MIB1: variants seen among roughly 807,000 people sequenced by gnomAD.
MIB1 encodes the protein E3 ubiquitin-protein ligase MIB1.
In MIB1, 278 loss-of-function variants were observed where a neutral mutation model predicts 124.5. The observed-to-expected ratio is 2.23, with a 90% CI of 2.02 to 2.47. The LOEUF (loss-of-function observed/expected upper bound fraction) is 2.47. Ranked by LOEUF, MIB1 falls within the 30% of genes most tolerant of loss-of-function variation. The pLI, the probability that MIB1 is intolerant of heterozygous loss-of-function variation, is 0.00. For missense variants in MIB1, 957 were observed against 1,254.4 expected (o/e 0.76, Z 3.58); for synonymous variants, 446 against 429.4 (o/e 1.04, Z -0.48).
At chr18:21,726,259 T>C (rs945372735) in intron 1 of MIB1, among the ~76,000 whole-genome samples, 5 of 151,680 alleles carry the variant, frequency 3.3e-5, no homozygotes, top group Non-Finnish European at 4.4e-5. Context: ...AAAATAAAAA[T>C]TAAAAAAGAT....
chr18:21,771,405 T>G (rs1309020578), intron 3 of MIB1, among the ~76,000 whole-genome samples: 2 of 152,372 alleles, frequency 1.3e-5, no homozygotes, highest in Non-Finnish European at 2.9e-5. Context: ...AAATACAGAC[T>G]TAATATAGCA....
In MIB1 at chr18:21,863,090, G is replaced by T. The variant is rs147847666; in HGVS notation, c.2881-1436G>T. 7.2e-5 allele frequency among the ~76,000 whole-genome samples: 11 copies of T among 152,324 alleles called. No homozygotes were observed. The East Asian group carries it at 1.7e-3, about 24-fold the overall frequency. ...GTCATACTTGCGACAGAGGTGCGCTGCTTACTTGGCCACTGTGCTCAACTG... is the reference window on the plus strand; with the variant it reads ...GTCATACTTGCGACAGAGGTGCGCTTCTTACTTGGCCACTGTGCTCAACTG... On this transcript the variant is annotated intron_variant, in intron 20 of 20. Transcript: ENST00000261537.
At chr18:21,762,053 A>T (rs868806835) in intron 1 of MIB1, among the ~76,000 whole-genome samples, 2 of 152,304 alleles carry the variant, frequency 1.3e-5, no homozygotes, top group Middle Eastern at 3.4e-3. Flanking sequence ...GTGTGTTATT[A>T]ATTTTATAAT....
intron 20 of MIB1, among the ~76,000 whole-genome samples, chr18:21,859,780 T>G (rs1486106623): frequency 1.3e-5 from 2 of 149,818 alleles, no homozygotes; most frequent in Non-Finnish European, 3.0e-5. Context: ...TCGCAGCTAC[T>G]CTGGTGGCTG....
intron 6 of MIB1, among the ~76,000 whole-genome samples, chr18:21,787,004 G>T (rs1241464918): frequency 6.7e-6 from 1 of 150,122 alleles, no homozygotes; most frequent in African/African-American, 2.4e-5. Context: ...ATATGGCTTC[G>T]TATTGAAAGA....
intron 1 of MIB1, among the ~76,000 whole-genome samples, chr18:21,705,328 A>G (rs866043987): frequency 4.9e-4 from 74 of 152,254 alleles, no homozygotes; most frequent in African/African-American, 1.7e-3. Context: ...TGTCACTTAA[A>G]TGAGAAGTGG....
intron 20 of MIB1, among the ~76,000 whole-genome samples, chr18:21,863,705 A>G (rs1200234827): frequency 6.6e-6 from 1 of 152,008 alleles, no homozygotes; most frequent in Non-Finnish European, 1.5e-5. Flanking sequence ...AAAAGACATT[A>G]TTTAGAAAGA....
intron 1 of MIB1, among the ~76,000 whole-genome samples, chr18:21,760,602 A>AT (rs1183965454): frequency 2.0e-5 from 3 of 152,090 alleles, no homozygotes; most frequent in East Asian, 1.9e-4. Flanking sequence ...GAATTATAGA[A>AT]TTTTTTTAAC....
chr18:21,751,026 A>C (rs1033138880), intron 1 of MIB1, among the ~76,000 whole-genome samples: 15 of 151,880 alleles, frequency 9.9e-5, no homozygotes, highest in Middle Eastern at 3.4e-3. Flanking sequence ...GCAAAACCCC[A>C]TCTCTACAAA....
rs1041394759 is a variant in MIB1 at position 21,869,488 on chromosome 18, C to G, written c.*4822C>G. ...TTTATAAAAGATGGTCTTTAGTGCA[C>G]GTGTATCATTATATACACGTTTTAA... On this transcript the variant is annotated 3_prime_UTR_variant, in exon 21 of 21. Transcript: ENST00000261537. 1 of 152,332 alleles carries G rather than the reference C, an allele frequency of 6.6e-6. No homozygotes were observed. Among genetic ancestry groups the G allele is most frequent in the Non-Finnish European group, 1.5e-5 (1 of 67,870 alleles). The allele number at this position is 152,332 out of a possible 1,614,324, so 9.4% of individuals were successfully genotyped here.
At position 21,846,851 on chromosome 18, in the gene MIB1, TAAGTGTCC is replaced by T. The variant is rs1267610799; in HGVS notation, c.2212-91_2212-84del. The T allele has an allele frequency of 8.2e-6, 10 of 1,223,502 alleles. No individual in the cohort carries two copies. The East Asian group carries it at 1.9e-4, about 23-fold the overall frequency. 75.8% of individuals were successfully genotyped at this position (1,223,502 alleles called of 1,614,324 possible). ...GAGGGAACATTAGGACTAGAACTCA[TAAGTGTCC>T]ACCACACACACATACATATATATGA... On this transcript the variant is annotated intron_variant, in intron 15 of 20. Coordinates refer to ENST00000261537, the MANE Select transcript of MIB1 (RefSeq NM_020774.4).
intron 1 of MIB1, among the ~76,000 whole-genome samples, chr18:21,721,877 T>G (rs1448995146): frequency 1.3e-5 from 2 of 152,206 alleles, no homozygotes; most frequent in South Asian, 4.1e-4. Flanking sequence ...TGTGGAGTGT[T>G]GGTCAAAACT....
rs754508908 is a variant in MIB1 at position 21,819,582 on chromosome 18, G to C, written c.1765G>C (p.Val589Leu). 1.9e-6 allele frequency: 3 copies of C among 1,612,256 alleles called. No homozygotes were observed. Among genetic ancestry groups the C allele is most frequent in the Non-Finnish European group, 2.5e-6 (3 of 1,178,912 alleles). Residue 589 changes from valine to leucine, a missense_variant, in exon 12 of 21, where the codon GTT becomes CTT. Coordinates refer to ENST00000261537, the MANE Select transcript of MIB1 (RefSeq NM_020774.4). ...AGTTCTTTTGGAAGCTGGAGCAGAT[G>C]TTACCATCACAAACAATAATGGATT... is the stretch of plus-strand genomic sequence containing the variant. ...LAVLLEAGADVTITNNNGFNA... is the reference protein window; with the variant it reads ...LAVLLEAGADLTITNNNGFNA...
chr18:21,792,615 C>T (rs565341150), intron 7 of MIB1, among the ~76,000 whole-genome samples: 7 of 152,044 alleles, frequency 4.6e-5, no homozygotes, highest in African/African-American at 2.4e-5. Context: ...GTGAACAAAA[C>T]AAAAAAATAA....
chr18:21,814,468 A>G (rs966898999), intron 10 of MIB1, among the ~76,000 whole-genome samples: 1 of 151,646 alleles, frequency 6.6e-6, no homozygotes, highest in African/African-American at 2.4e-5. Context: ...CTATGATCCC[A>G]GCATTTTGTG....
chr18:21,739,302 A>G (rs558644923), upstream of MIB1, among the ~76,000 whole-genome samples: 1 of 152,320 alleles, frequency 6.6e-6, no homozygotes, highest in African/African-American at 2.4e-5. Flanking sequence ...GTAATAGCCT[A>G]CCAACCAAAA....
In MIB1 at chr18:21,844,239, C is replaced by G; in HGVS notation, c.2197C>G (p.Pro733Ala). Residue 733 changes from proline to alanine, a missense_variant, in exon 15 of 21, where the codon CCA (proline) becomes GCA (alanine). By Grantham distance (27) the Pro-to-Ala change is conservative (BLOSUM62 -1). Transcript: ENST00000261537. Reference protein sequence around the residue: ...DVGKVDAAWEPSKNTLIMGLG... With the variant: ...DVGKVDAAWEASKNTLIMGLG... ...GGGGAAGGTGGATGCTGCCTGGGAGCCATCCAAAAACACGGTGAGTAAAGA... is the reference window on the plus strand; with the variant it reads ...GGGGAAGGTGGATGCTGCCTGGGAGGCATCCAAAAACACGGTGAGTAAAGA... 6.2e-7 allele frequency: 1 copy of G among 1,613,950 alleles called. No homozygotes were observed. Among genetic ancestry groups the G allele is most frequent in the East Asian group, 2.2e-5 (1 of 44,870 alleles).
chr18:21,745,509 A>G (rs542758307), intron 1 of MIB1, among the ~76,000 whole-genome samples: 2 of 152,132 alleles, frequency 1.3e-5, no homozygotes, highest in African/African-American at 4.8e-5. Flanking sequence ...ATGCGTGGTA[A>G]AAGTATGCCA....
At position 21,779,699 on chromosome 18, in the gene MIB1, C is replaced by A. The variant is rs1397655579; in HGVS notation, c.908+14C>A. On this transcript the variant is annotated intron_variant, in intron 6 of 20. Coordinates refer to ENST00000261537, the MANE Select transcript of MIB1 (RefSeq NM_020774.4). ...AAGTGGCAATAGGTGGGTGATATCT[C>A]TCAATTTTTGACAATGACAAATAAA... 3.1e-6 allele frequency: 5 copies of A among 1,599,452 alleles called. No individual in the cohort carries two copies. In the Admixed American group the frequency reaches 6.7e-5, roughly 21 times the overall value.
Sources: allele counts gnomAD v4.1 joint callset (sites outside exome capture counted in the v4.1 genomes callset), GRCh38; gene constraint gnomAD v4.1.1; transcripts MANE v1.5; gene names NCBI Gene and HGNC (gene_info 2026-07-23, HGNC 2026-07-21).